The following OSBPL1A variants were observed in gnomAD, a reference collection of about 807,000 sequenced individuals.
OSBPL1A encodes the protein oxysterol binding protein like 1A.
OSBPL1A carries 80 observed loss-of-function variants against 137.1 expected under a neutral mutation model. The ratio of observed to expected loss-of-function variants is 0.58; its 90% CI spans 0.49 to 0.70. The LOEUF (loss-of-function observed/expected upper bound fraction) is 0.70, where lower values mean the gene tolerates loss of function less well. Among genes scored for constraint, OSBPL1A ranks in the 30% least tolerant of loss-of-function variants. The pLI, the probability that OSBPL1A is intolerant of heterozygous loss-of-function variation, is 0.00. For missense variants in OSBPL1A, 970 were observed against 1,129.4 expected (o/e 0.86, Z 2.02); for synonymous variants, 365 against 389.7 (o/e 0.94, Z 0.75).
intron 15 of OSBPL1A, among the ~76,000 whole-genome samples, chr18:24,250,787 G>A (rs1412767099): frequency 6.6e-6 from 1 of 152,232 alleles, no homozygotes; most frequent in Admixed American, 6.5e-5. Flanking sequence ...GTGGGACAGA[G>A]CAATAAGCAG....
At chr18:24,209,508 C>T (rs2145965034) in intron 17 of OSBPL1A, among the ~76,000 whole-genome samples, 1 of 152,234 alleles carries the variant, frequency 6.6e-6, no homozygotes, top group South Asian at 2.1e-4. Flanking sequence ...CACACATCTC[C>T]CCGATGACCC....
At chr18:24,352,593 A>G (rs1370048787) in intron 4 of OSBPL1A, among the ~76,000 whole-genome samples, 1 of 152,188 alleles carries the variant, frequency 6.6e-6, no homozygotes, top group East Asian at 1.9e-4. Flanking sequence ...ACGAAAAAAG[A>G]GCCTGCATTG....
intron 14 of OSBPL1A, among the ~76,000 whole-genome samples, chr18:24,295,594 T>TG (rs2090274699): frequency 6.6e-6 from 1 of 152,194 alleles, no homozygotes; most frequent in South Asian, 2.1e-4. Context: ...AAGGCAGAGA[T>TG]GGGGATCCAG....
chr18:24,217,418 C>T (rs2087743076), intron 17 of OSBPL1A, among the ~76,000 whole-genome samples: 1 of 151,998 alleles, frequency 6.6e-6, no homozygotes, highest in African/African-American at 2.4e-5. Context: ...CCACCACGCC[C>T]AGCTAATTTT....
rs71163675 is a variant in OSBPL1A at position 24,332,385 on chromosome 18, CAAAAAAAAAAAA to C, written c.625+545_625+556del. Among the ~76,000 whole-genome samples, 276 of 53,062 alleles carry C rather than the reference CAAAAAAAAAAAA, an allele frequency of 5.2e-3. 2 individuals are homozygous for C. Among genetic ancestry groups the C allele is most frequent in the African/African-American group, 0.024 (253 of 10,736 alleles). 34.8% of individuals were successfully genotyped at this position (53,062 alleles called of 152,430 possible). A position where few individuals can be genotyped will look rare whatever the true frequency, so the allele number is the denominator to read the frequency against. On this transcript the variant is annotated intron_variant, in intron 7 of 27. Transcript: ENST00000319481. ...TGGGCAACAGAGAGAGACTCTGTCT[CAAAAAAAAAAAA>C]AAAAAAAAAAAAAAAAAAGGCCCCT...
chr18:24,315,685 G>T (rs1211392112), intron 11 of OSBPL1A, among the ~76,000 whole-genome samples: 1 of 116,512 alleles, frequency 8.6e-6, no homozygotes, highest in African/African-American at 3.3e-5. Context: ...ATATAATAAA[G>T]TATATTATAT....
At chr18:24,218,615 TG>T (rs1474058185) in intron 17 of OSBPL1A, among the ~76,000 whole-genome samples, 2 of 151,982 alleles carry the variant, frequency 1.3e-5, no homozygotes, top group African/African-American at 2.4e-5. Context: ...GGCTAATTTT[TG>T]TATTTTTTGG....
chr18:24,294,420 G>A (rs1339892516), intron 14 of OSBPL1A, among the ~76,000 whole-genome samples: 2 of 152,050 alleles, frequency 1.3e-5, no homozygotes, highest in African/African-American at 4.8e-5. Context: ...TTTTAGTAGA[G>A]ACGAGGTTTC....
chr18:24,369,190 TAA>T (rs1476742697), intron 2 of OSBPL1A, among the ~76,000 whole-genome samples: 1 of 152,200 alleles, frequency 6.6e-6, no homozygotes, highest in African/African-American at 2.4e-5. Context: ...TGACTTCAGA[TAA>T]AGTCTCAGTT....
At chr18:24,170,663 G>T in intron 23 of OSBPL1A, 1 of 525,402 alleles carries the variant, frequency 1.9e-6, no homozygotes, top group East Asian at 3.4e-5. Context: ...AGGTGTGTAC[G>T]ACTCACAGAG....
intron 14 of OSBPL1A, among the ~76,000 whole-genome samples, chr18:24,299,295 GT>G (rs530992743): frequency 6.6e-6 from 1 of 151,538 alleles, no homozygotes; most frequent in East Asian, 1.9e-4. Context: ...TAGATACTTT[GT>G]TTTTTTTCAT....
intron 2 of OSBPL1A, among the ~76,000 whole-genome samples, chr18:24,370,814 T>A (rs1301052703): frequency 6.6e-6 from 1 of 152,114 alleles, no homozygotes; most frequent in African/African-American, 2.4e-5. Context: ...ACCACAGGCA[T>A]GCGCCACCAC....
chr18:24,240,507 T>C, intron 15 of OSBPL1A, among the ~76,000 whole-genome samples: 1 of 152,174 alleles, frequency 6.6e-6, no homozygotes, highest in East Asian at 1.9e-4. Flanking sequence ...CGGAAATCAC[T>C]ACTATGCCTT....
intron 26 of OSBPL1A, 82 bp downstream of exon 26, chr18:24,166,497 T>C: frequency 6.7e-7 from 1 of 1,501,684 alleles, no homozygotes. Context: ...ACCCCAATGA[T>C]GCTAACAATC....
chr18:24,390,228 A>G (rs548634756), intron 1 of OSBPL1A, among the ~76,000 whole-genome samples: 2 of 152,312 alleles, frequency 1.3e-5, no homozygotes, highest in South Asian at 4.1e-4. Flanking sequence ...TTAAACACAT[A>G]ATTACCTATG....
At chr18:24,278,504 G>A (rs2089892736) in intron 15 of OSBPL1A, among the ~76,000 whole-genome samples, 1 of 152,064 alleles carries the variant, frequency 6.6e-6, no homozygotes, top group Non-Finnish European at 1.5e-5. Flanking sequence ...GGCTAAAAGA[G>A]GTCAATTAGC....
chr18:24,166,767 AAAG>A (rs2086154266), intron 25 of OSBPL1A, 65 bp from the exon 26 acceptor site: 1 of 1,515,918 alleles, frequency 6.6e-7, no homozygotes. Context: ...AAACATCCTG[AAAG>A]TAGAAGAGGG....
intron 9 of OSBPL1A, 73 bp from the exon 10 acceptor site, chr18:24,317,473 T>A: frequency 8.6e-7 from 1 of 1,163,528 alleles, no homozygotes; most frequent in Non-Finnish European, 1.3e-6. Context: ...AAAAAGTAAT[T>A]AAGTGAGGAC....
chr18:24,304,460 T>C (rs773171058), intron 13 of OSBPL1A, among the ~76,000 whole-genome samples: 3 of 152,226 alleles, frequency 2.0e-5, no homozygotes, highest in African/African-American at 7.2e-5. Flanking sequence ...GGCAGTTTTA[T>C]ATATCATTTC....
Sources: allele counts gnomAD v4.1 joint callset (sites outside exome capture counted in the v4.1 genomes callset), GRCh38; gene constraint gnomAD v4.1.1; transcripts MANE v1.5; gene names NCBI Gene and HGNC (gene_info 2026-07-23, HGNC 2026-07-21).